MUC5AC: variants seen among roughly 807,000 people sequenced by gnomAD.
MUC5AC encodes the protein mucin-5AC.
In MUC5AC, 158 loss-of-function variants were observed where a neutral mutation model predicts 169.7. The observed-to-expected ratio is 0.93, with a 90% CI of 0.82 to 1.06. The LOEUF (loss-of-function observed/expected upper bound fraction) is 1.06, where lower values mean the gene tolerates loss of function less well. MUC5AC is among the 50% of genes least tolerant of loss of function. The pLI is 0.00. For missense variants in MUC5AC, 4,359 were observed against 3,089.9 expected, an observed-to-expected ratio of 1.41 and a Z score of -9.74; for synonymous variants, 1,975 against 1,237.0, an observed-to-expected ratio of 1.60 and a Z score of -12.52.
In MUC5AC at chr11:1,162,593, G is replaced by T; in HGVS notation, c.535G>T (p.Val179Leu). 1 of 1,612,736 alleles carries T rather than the reference G, an allele frequency of 6.2e-7. No individual in the cohort carries two copies. The highest frequency in any genetic ancestry group is 8.5e-7 in the Non-Finnish European group (1 of 1,179,864). ...TCAGCAGAGCAGCAGCTACACCAAG[G>T]TGGAGGCCAGGCTGGGCCTTGTCCT... is the stretch of plus-strand genomic sequence containing the variant. ...LIQQSSSYTK[V>L]EARLGLVLMW... Residue 179 changes from valine to leucine, a missense_variant, in exon 5 of 49, where the codon GTG (valine) becomes TTG (leucine). Transcript: ENST00000621226.
chr11:1,169,180 C>T (rs924326415), intron 15 of MUC5AC, 154 bp downstream of exon 15: 34 of 982,558 alleles, frequency 3.5e-5, no homozygotes, highest in Middle Eastern at 5.2e-4. Context: ...TCATGGTGGG[C>T]GCCCAACCCA....
chr11:1,173,449 T>TCACTCATC (rs1486835402), intron 16 of MUC5AC, among the ~76,000 whole-genome samples: 1 of 151,380 alleles, frequency 6.6e-6, no homozygotes, highest in Non-Finnish European at 1.5e-5. Context: ...ACTCATCCAC[T>TCACTCATC]CACTCACTCA....
chr11:1,194,709 C>T (rs746081368), intron 35 of MUC5AC, 39 bp downstream of exon 35: 13 of 713,638 alleles, frequency 1.8e-5, no homozygotes, highest in Middle Eastern at 2.4e-4. Flanking sequence ...CTGGCATTCG[C>T]GGGGGCGGGG....
intron 5 of MUC5AC, 25 bp downstream of exon 5, chr11:1,162,671 G>A: frequency 6.2e-7 from 1 of 1,600,830 alleles, no homozygotes; most frequent in East Asian, 2.2e-5. Context: ...GGGTGTCCCG[G>A]TGTGCAACTC....
chr11:1,167,481 G>T (rs1447007049), intron 11 of MUC5AC, among the ~76,000 whole-genome samples: 1 of 152,226 alleles, frequency 6.6e-6, no homozygotes, highest in Non-Finnish European at 1.5e-5. Flanking sequence ...TCGTGGTGGT[G>T]AAATTCCACG....
intron 2 of MUC5AC, among the ~76,000 whole-genome samples, chr11:1,161,264 T>C (rs1425252260): frequency 6.6e-6 from 1 of 151,836 alleles, no homozygotes; most frequent in East Asian, 2.0e-4. Context: ...CCCATGGGCA[T>C]GTGAGAGCTG....
Position 1,190,453 on chromosome 11 carries a change from C to A in MUC5AC, c.12308C>A (p.Thr4103Asn). ...ACCAGCACAACCTCCACTCCACAGA[C>A]CAGCACAACCTCTGCCCCTACAACC... ...VTTSTTSTPQ[T>N]STTSAPTTST... Residue 4103 changes from threonine to asparagine, a missense_variant, in exon 31 of 49, where the codon ACC becomes AAC. Physicochemically the swap from Thr to Asn is moderately conservative, Grantham distance 65. Coordinates refer to ENST00000621226, the MANE Select transcript of MUC5AC (RefSeq NM_001304359.2). The A allele has an allele frequency of 1.5e-6, 1 of 656,692 alleles. No individual in the cohort carries two copies. The allele number at this position is 656,692 out of a possible 1,614,324, so 40.7% of individuals were successfully genotyped here.
chr11:1,192,072 T>A lies in MUC5AC; in HGVS notation c.13927T>A (p.Ser4643Thr). The change falls in exon 31 of 49, where the codon TCC becomes ACC. Residue 4643 changes from serine to threonine, a missense_variant. Transcript: ENST00000621226. ...WTKWFDVDFP[S>T]PGPHGGDKET... is the part of the protein sequence containing the mutation. The stretch of plus-strand genomic sequence containing the variant: ...AAAGTGGTTCGACGTGGACTTCCCA[T>A]CCCCTGGACCCCACGGCGGGGACAA... 1 of 764,982 alleles carries A rather than the reference T, an allele frequency of 1.3e-6. No individual in the cohort carries two copies. The highest frequency in any genetic ancestry group is 2.4e-6 in the Non-Finnish European group (1 of 417,886). 47.4% of individuals were successfully genotyped at this position (764,982 alleles called of 1,614,324 possible). A position where few individuals can be genotyped will look rare whatever the true frequency, so the allele number is the denominator to read the frequency against.
intron 15 of MUC5AC, 199 bp downstream of exon 15, chr11:1,169,225 C>T (rs373060517): frequency 2.2e-6 from 2 of 925,596 alleles, no homozygotes; most frequent in East Asian, 2.3e-4. Flanking sequence ...GGGGCATCTG[C>T]TTCAGGGTCA....
In MUC5AC at chr11:1,192,422, CGTGGCATCCACCTCT is replaced by C. The variant is rs756606673; in HGVS notation, c.14288_14302del (p.Thr4763_Ser4767del). 2 of 765,136 alleles carry C rather than the reference CGTGGCATCCACCTCT, an allele frequency of 2.6e-6. No homozygotes were observed. The highest frequency in any genetic ancestry group is 2.4e-6 in the Non-Finnish European group (1 of 417,904). 47.4% of individuals were successfully genotyped at this position (765,136 alleles called of 1,614,324 possible). On this transcript the variant is annotated inframe_deletion, in exon 31 of 49. Coordinates refer to ENST00000621226, the MANE Select transcript of MUC5AC (RefSeq NM_001304359.2). ...TGTCTACTTCCATGGTATCCGCCTC[CGTGGCATCCACCTCT>C]GTGGCATCCAGCTCTGTGGCATCCA...
Position 1,184,767 on chromosome 11 carries a change from G to T in MUC5AC, c.6622G>T (p.Glu2208Ter), listed in dbSNP as rs1386834477. Residue 2208 changes from glutamate to a stop codon, truncating the protein, a stop_gained, in exon 31 of 49, where the codon GAG becomes TAG. Coordinates refer to ENST00000621226, the MANE Select transcript of MUC5AC (RefSeq NM_001304359.2). LOFTEE classifies it high-confidence loss of function. ...ACCCTTCAAGATGTGCCTCAACTAC[G>T]AGGTGCGTGTGCTCTGCTGCGAGAC... ...QGPFKMCLNY[E>*]VRVLCCETPK... The T allele has an allele frequency of 7.7e-6, 5 of 647,748 alleles. No individual in the cohort carries two copies. The highest frequency in any genetic ancestry group is 1.4e-5 in the Non-Finnish European group (5 of 360,286). The allele number at this position is 647,748 out of a possible 1,614,324, so 40.1% of individuals were successfully genotyped here. A position where few individuals can be genotyped will look rare whatever the true frequency, so the allele number is the denominator to read the frequency against.
At chr11:1,172,964 ACTCATCCACTCACCCACCCATTCACCC>A (rs1860583149) in intron 16 of MUC5AC, among the ~76,000 whole-genome samples, 1 of 143,790 alleles carries the variant, frequency 7.0e-6, no homozygotes, top group African/African-American at 2.7e-5. Context: ...CCATTCACTC[ACTCATCCACTCACCCACCCATTCACCC>A]ACTCACTCAC....
In MUC5AC at chr11:1,193,476, C is replaced by A. The variant is rs1231868883; in HGVS notation, c.14581-9C>A. On this transcript the variant is annotated splice_polypyrimidine_tract_variant and intron_variant, in intron 32 of 48. Transcript: ENST00000621226. ...AGGCCGGACCCTGCAGGTCTCTGTG[C>A]TTCTGCAGAAAGGTGAGACCTGGGC... 4.2e-6 allele frequency: 3 copies of A among 722,636 alleles called. No homozygotes were observed. In the African/African-American group the frequency reaches 5.2e-5, roughly 12 times the overall value. The allele number at this position is 722,636 out of a possible 1,614,324, so 44.8% of individuals were successfully genotyped here. A position where few individuals can be genotyped will look rare whatever the true frequency, so the allele number is the denominator to read the frequency against.
At chr11:1,163,454 G>A (rs1477087643) in intron 6 of MUC5AC, among the ~76,000 whole-genome samples, 2 of 152,188 alleles carry the variant, frequency 1.3e-5, no homozygotes, top group African/African-American at 2.4e-5. Context: ...CAAGCCCCGA[G>A]TACAGGGTGT....
rs902988549 is a variant in MUC5AC at position 1,176,577 on chromosome 11, G to A, written c.2566G>A (p.Gly856Ser). Reference protein sequence around the residue: ...PDGLVADGEGGCITAEDCPCV... With the variant: ...PDGLVADGEGSCITAEDCPCV... ...CGGGCTGGTGGCGGACGGCGAGGGC[G>A]GCTGCATCACTGCGGAGGACTGCCC... Residue 856 changes from glycine (G) to serine (S), a missense_variant, in exon 21 of 49, where the codon GGC becomes AGC. Coordinates refer to ENST00000621226, the MANE Select transcript of MUC5AC (RefSeq NM_001304359.2). The A allele has an allele frequency of 1.3e-4, 52 of 399,804 alleles. No individual in the cohort carries two copies. The highest frequency in any genetic ancestry group is 3.5e-4 in the Admixed American group (8 of 22,746). The allele number at this position is 399,804 out of a possible 1,614,324, so 24.8% of individuals were successfully genotyped here.
chr11:1,159,150 C>T (rs965466355), intron 1 of MUC5AC, among the ~76,000 whole-genome samples: 1 of 152,192 alleles, frequency 6.6e-6, no homozygotes, highest in African/African-American at 2.4e-5. Context: ...ACCCCTCCGC[C>T]CACTGACGGA....
chr11:1,187,168 C>A lies in MUC5AC; in HGVS notation c.9023C>A (p.Pro3008Gln), dbSNP rs1860972650. The A allele has an allele frequency of 2.8e-6, 2 of 706,946 alleles. No homozygotes were observed. The highest frequency in any genetic ancestry group is 2.7e-5 in the East Asian group (1 of 37,142). The allele number at this position is 706,946 out of a possible 1,614,324, so 43.8% of individuals were successfully genotyped here. The change falls in exon 31 of 49, where the codon CCA (proline) becomes CAA (glutamine). Residue 3008 changes from proline (P) to glutamine (Q), a missense_variant. Physicochemically the swap from Pro to Gln is moderately conservative, Grantham distance 76. Transcript: ENST00000621226. ...SAPTTSTISAPTTSTPSAPTT... is the reference protein window; with the variant it reads ...SAPTTSTISAQTTSTPSAPTT... ...CCTACAACCAGCACAATCTCGGCCCCAACAACCAGCACACCCTCTGCCCCT... is the reference window on the plus strand; with the variant it reads ...CCTACAACCAGCACAATCTCGGCCCAAACAACCAGCACACCCTCTGCCCCT...
rs1412223537 is a variant in MUC5AC at position 1,158,033 on chromosome 11, T to G, written c.34T>G (p.Trp12Gly). 6.2e-7 allele frequency: 1 copy of G among 1,607,650 alleles called. No individual in the cohort carries two copies. The highest frequency in any genetic ancestry group is 8.5e-7 in the Non-Finnish European group (1 of 1,178,196). Residue 12 changes from tryptophan (W) to glycine (G), a missense_variant, in exon 1 of 49, where the codon TGG (tryptophan) becomes GGG (glycine). Trp to Gly is a radical substitution (Grantham distance 184). Coordinates refer to ENST00000621226, the MANE Select transcript of MUC5AC (RefSeq NM_001304359.2). ...SVGRRKLALL[W>G]ALALALACTR... ...TGGCCGGAGGAAGCTGGCCCTGCTC[T>G]GGGCCCTGGCTCTCGCTCTGGCCTG...
Position 1,191,939 on chromosome 11 carries a change from C to T in MUC5AC, c.13794C>T (p.Thr4598=), listed in dbSNP as rs1312734988. 2.6e-6 allele frequency: 2 copies of T among 765,218 alleles called. No homozygotes were observed. Among genetic ancestry groups the T allele is most frequent in the Non-Finnish European group, 4.8e-6 (2 of 417,910 alleles). The allele number at this position is 765,218 out of a possible 1,614,324, so 47.4% of individuals were successfully genotyped here. Residue 4598 remains threonine, a synonymous_variant, in exon 31 of 49, where the codon ACC becomes ACT. Transcript: ENST00000621226. ...GPGTTPSPVP[T]TSTTPVSKTS... ...GAACTACTCCCAGCCCCGTTCCCAC[C>T]ACCAGCACAACCCCTGTTTCAAAGA...
Sources: gnomAD v4.1 joint callset for allele counts (sites outside exome capture counted in the v4.1 genomes callset) on GRCh38, gnomAD v4.1.1 for gene constraint, MANE v1.5 for transcripts, NCBI Gene and HGNC (gene_info 2026-07-23, HGNC 2026-07-21) for gene names.